EPB41L2: variants seen among roughly 807,000 people sequenced by gnomAD.
EPB41L2 encodes band 4.1-like protein 2.
Under a neutral mutation model 113.0 loss-of-function variants are expected in EPB41L2, and 43 were observed. The observed-to-expected ratio is 0.38, with a 90% CI of 0.30 to 0.49. The LOEUF is 0.49. Ranked by LOEUF, EPB41L2 falls within the 20% of genes least tolerant of loss-of-function variation. The probability of loss-of-function intolerance (pLI) is 0.95; values close to 1 mark genes in which losing one functional copy is unlikely to be tolerated. For synonymous variants in EPB41L2, 442 were observed against 436.7 expected, an observed-to-expected ratio of 1.01 and a Z score of -0.15; for missense variants, 1,147 against 1,223.4, an observed-to-expected ratio of 0.94 and a Z score of 0.93.
chr6:130,920,675 A>T (rs1240784184), intron 4 of EPB41L2, among the ~76,000 whole-genome samples: 1 of 151,854 alleles, frequency 6.6e-6, no homozygotes, highest in Non-Finnish European at 1.5e-5. Flanking sequence ...TGCCTGGCTA[A>T]TTTTTTAATT....
At chr6:130,904,159 T>A (rs1471821299) in intron 6 of EPB41L2, among the ~76,000 whole-genome samples, 7 of 152,162 alleles carry the variant, frequency 4.6e-5, no homozygotes, top group Admixed American at 3.9e-4. Flanking sequence ...ACCTTGGTAT[T>A]AAAATCTCAA....
intron 18 of EPB41L2, among the ~76,000 whole-genome samples, chr6:130,861,741 G>A (rs544959656): frequency 1.2e-3 from 179 of 151,976 alleles, no homozygotes; most frequent in Non-Finnish European, 2.1e-3. Context: ...GCGTGGTGGC[G>A]GGTGCCTATA....
At chr6:131,046,724 T>C (rs553374915) in intron 1 of EPB41L2, among the ~76,000 whole-genome samples, 4 of 152,328 alleles carry the variant, frequency 2.6e-5, no homozygotes, top group Admixed American at 2.6e-4. Context: ...AGGAAGATGG[T>C]AAGGTGGAGG....
At chr6:130,941,495 C>G (rs777206552) in intron 3 of EPB41L2, among the ~76,000 whole-genome samples, 1 of 152,198 alleles carries the variant, frequency 6.6e-6, no homozygotes, top group Non-Finnish European at 1.5e-5. Context: ...GAGCAGCAAA[C>G]TTCTGTAGGC....
chr6:130,841,951 G>C (rs73775303), intron 19 of EPB41L2, among the ~76,000 whole-genome samples: 1 of 152,158 alleles, frequency 6.6e-6, no homozygotes, highest in African/African-American at 2.4e-5. Flanking sequence ...CCCTGAAAGA[G>C]AAAAGGGTTT....
chr6:130,949,386 G>T (rs1221965669), intron 3 of EPB41L2, among the ~76,000 whole-genome samples: 2 of 152,150 alleles, frequency 1.3e-5, no homozygotes, highest in Non-Finnish European at 2.9e-5. Context: ...AGAATTGCTT[G>T]AGCCCAGTAA....
intron 1 of EPB41L2, among the ~76,000 whole-genome samples, chr6:131,050,297 C>A (rs900407128): frequency 1.3e-5 from 2 of 152,154 alleles, no homozygotes; most frequent in East Asian, 1.9e-4. Context: ...CAAGATTGCG[C>A]CATTGCACCC....
chr6:130,964,179 G>A (rs1167306762), intron 1 of EPB41L2, among the ~76,000 whole-genome samples: 1 of 152,046 alleles, frequency 6.6e-6, no homozygotes, highest in Admixed American at 6.6e-5. Flanking sequence ...ATGCCACCAT[G>A]CCCGGCTAAT....
At chr6:130,989,531 G>C (rs1781349061) in intron 1 of EPB41L2, among the ~76,000 whole-genome samples, 1 of 152,130 alleles carries the variant, frequency 6.6e-6, no homozygotes, top group South Asian at 2.1e-4. Context: ...GAGAGAAACT[G>C]GTTTAAGGGA....
chr6:130,947,017 A>ACCCCCCCCCCCC (rs58960778), intron 3 of EPB41L2, among the ~76,000 whole-genome samples: 5 of 112,026 alleles, frequency 4.5e-5, no homozygotes, highest in African/African-American at 1.7e-4. Flanking sequence ...AATAAAGAAG[A>ACCCCCCCCCCCC]CCCCCCCCCC....
At chr6:130,942,402 A>T (rs9321260) in intron 3 of EPB41L2, among the ~76,000 whole-genome samples, 51,677 of 152,104 alleles carry the variant, frequency 0.34, 12,154 homozygotes, top group African/African-American at 0.66. Flanking sequence ...ACATCATCTT[A>T]AATTTGTTCA....
intron 1 of EPB41L2, among the ~76,000 whole-genome samples, chr6:131,021,194 A>G (rs1768040524): frequency 6.6e-6 from 1 of 152,228 alleles, no homozygotes; most frequent in South Asian, 2.1e-4. Context: ...GAGCTCATGC[A>G]GAAGAATATC....
intron 1 of EPB41L2, among the ~76,000 whole-genome samples, chr6:131,012,502 G>A (rs1787263654): frequency 6.8e-6 from 1 of 147,732 alleles, no homozygotes; most frequent in Non-Finnish European, 1.5e-5. Flanking sequence ...CATACTAGAT[G>A]ATGAACATCA....
rs551355233 is a variant in EPB41L2 at position 130,927,324 on chromosome 6, T to G, written c.706-615A>C. On this transcript the variant is annotated intron_variant, in intron 3 of 19. Coordinates refer to ENST00000337057, the MANE Select transcript of EPB41L2 (RefSeq NM_001431.4). ...AACTGCCCCTAAGGACTTAACATAT[T>G]TTTACCTTGAATATATATATATAAA... 2.6e-5 allele frequency among the ~76,000 whole-genome samples: 4 copies of G among 152,194 alleles called. No individual in the cohort carries two copies. In the East Asian group the frequency reaches 7.7e-4, roughly 29 times the overall value.
At position 130,958,535 on chromosome 6, in the gene EPB41L2, G is replaced by A. The variant is rs10499178; in HGVS notation, c.-14-2036C>T. ...AGGAGAAGAAGAGGGTCACCAGGCA[G>A]GCGTTTCTGCAGAAGTTGACATTTG... On this transcript the variant is annotated intron_variant, in intron 1 of 19. Transcript: ENST00000337057. Among the ~76,000 whole-genome samples, 3,000 of 151,410 alleles carry A rather than the reference G, an allele frequency of 0.02. 194 individuals carry two copies. In the East Asian group the frequency reaches 0.26, roughly 13 times the overall value.
At chr6:130,899,691 A>C in intron 7 of EPB41L2, 113 bp from the exon 8 acceptor site, 1 of 907,578 alleles carries the variant, frequency 1.1e-6, no homozygotes, top group Non-Finnish European at 1.7e-6. Flanking sequence ...TTACCCAGCC[A>C]AGTTTGCAGA....
rs368454418 is a variant in EPB41L2 at position 130,880,251 on chromosome 6, T to C, written c.1834-45A>G. On this transcript the variant is annotated intron_variant, in intron 12 of 19. Coordinates refer to ENST00000337057, the MANE Select transcript of EPB41L2 (RefSeq NM_001431.4). Reference sequence around the variant, plus strand: ...ACAGGGGGGAAAAGGCAAATAAACATAAGTGTATCAATCAGCAAGCACCAA... The same window carrying C: ...ACAGGGGGGAAAAGGCAAATAAACACAAGTGTATCAATCAGCAAGCACCAA... 2.5e-5 allele frequency: 35 copies of C among 1,388,468 alleles called. No homozygotes were observed. The African/African-American group carries it at 4.1e-4, about 16-fold the overall frequency. 86.0% of individuals were successfully genotyped at this position (1,388,468 alleles called of 1,614,324 possible).
Position 130,875,824 on chromosome 6 carries a change from C to T in EPB41L2, c.2043+2280G>A, listed in dbSNP as rs535708743. ...CAGTCTGGTCAACATAGTGAAACCC[C>T]GTCTCAACTAAAAACACAAAAAAAT... On this transcript the variant is annotated intron_variant, in intron 14 of 19. Transcript: ENST00000337057. 1.1e-4 allele frequency among the ~76,000 whole-genome samples: 16 copies of T among 151,846 alleles called. No homozygotes were observed. The East Asian group carries it at 2.5e-3, about 24-fold the overall frequency.
intron 4 of EPB41L2, among the ~76,000 whole-genome samples, chr6:130,923,205 C>T (rs184077471): frequency 1.3e-5 from 2 of 152,238 alleles, no homozygotes; most frequent in East Asian, 3.9e-4. Context: ...ACTTCCACTG[C>T]CAAAACCTTA....
Sources: allele counts gnomAD v4.1 joint callset (sites outside exome capture counted in the v4.1 genomes callset), GRCh38; gene constraint gnomAD v4.1.1; transcripts MANE v1.5; gene names NCBI Gene and HGNC (gene_info 2026-07-23, HGNC 2026-07-21).